AIDA: variants seen among roughly 807,000 people sequenced by gnomAD.
The protein encoded by AIDA is axin interactor, dorsalization-associated protein.
A neutral mutation model predicts 42.7 loss-of-function variants in AIDA; 18 were observed. The observed-to-expected ratio is 0.42, with a 90% CI of 0.29 to 0.63. The LOEUF is 0.63. AIDA is among the 20% of genes least tolerant of loss of function. The pLI is 0.19. For missense variants in AIDA, 250 were observed against 354.1 expected (o/e 0.71, Z 2.36); for synonymous variants, 104 against 122.9 (o/e 0.85, Z 1.02).
chr1:222,677,542 G>A (rs947514536), intron 6 of AIDA, among the ~76,000 whole-genome samples: 2 of 151,956 alleles, frequency 1.3e-5, no homozygotes, highest in African/African-American at 2.4e-5. Context: ...TGACTGAGGC[G>A]CTAAATGTCA....
chr1:222,701,762 C>T (rs970059402), intron 2 of AIDA, among the ~76,000 whole-genome samples: 2 of 152,082 alleles, frequency 1.3e-5, no homozygotes, highest in African/African-American at 2.4e-5. Context: ...CTCTGGCTGT[C>T]GCGCAGGCTG....
intron 4 of AIDA, among the ~76,000 whole-genome samples, chr1:222,688,533 C>T (rs921480263): frequency 1.3e-5 from 2 of 152,028 alleles, no homozygotes; most frequent in Admixed American, 1.3e-4. Flanking sequence ...TTACATAGAA[C>T]TTACTGTACT....
intron 1 of AIDA, chr1:222,711,346 G>T (rs1413805115): frequency 6.6e-6 from 1 of 152,130 alleles, no homozygotes; most frequent in Admixed American, 6.6e-5. Flanking sequence ...GCAAGAAATT[G>T]GTCTTAGGTT....
chr1:222,670,025 C>T, intron 9 of AIDA, 36 bp from the exon 10 acceptor site: 4 of 1,612,974 alleles, frequency 2.5e-6, no homozygotes, highest in South Asian at 1.1e-5. Context: ...GTTTAAAATA[C>T]ATTGATAACT....
chr1:222,707,897 A>G (rs1341750286), intron 1 of AIDA, among the ~76,000 whole-genome samples: 3 of 152,254 alleles, frequency 2.0e-5, no homozygotes, highest in African/African-American at 4.8e-5. Context: ...AAATTGCTAT[A>G]AAGTTTCCAC....
chr1:222,674,931 G>A (rs1664518242), intron 7 of AIDA, among the ~76,000 whole-genome samples: 1 of 152,128 alleles, frequency 6.6e-6, no homozygotes, highest in Non-Finnish European at 1.5e-5. Flanking sequence ...TTGTTTTGGT[G>A]TACATTCCTG....
intron 6 of AIDA, among the ~76,000 whole-genome samples, chr1:222,680,729 T>A (rs1664638553): frequency 6.6e-6 from 1 of 152,132 alleles, no homozygotes; most frequent in Admixed American, 6.5e-5. Flanking sequence ...AGACACCGAT[T>A]ATTTTGATAT....
chr1:222,672,069 T>C (rs3008634), intron 8 of AIDA, among the ~76,000 whole-genome samples: 115,207 of 152,122 alleles, frequency 0.76, 46,929 homozygotes, highest in Non-Finnish European at 0.88. Context: ...CTGGGAAGAT[T>C]AAGTTAAAAT....
Position 222,669,916 on chromosome 1 carries a change from G to A in AIDA, c.898C>T (p.His300Tyr), listed in dbSNP as rs1324714308. 6 of 1,611,742 alleles carry A rather than the reference G, an allele frequency of 3.7e-6. No homozygotes were observed. The highest frequency in any genetic ancestry group is 5.1e-6 in the Non-Finnish European group (6 of 1,179,460). ...GATCATTCCTTGTGCAAAGTTTGAT[G>A]TAGATGAAGATAAAGTGGTTTCTTG... ...LTKKPLYLHL[H>Y]QTLHKE is the part of the protein sequence containing the mutation. Residue 300 changes from histidine to tyrosine, a missense_variant, in exon 10 of 10, where the codon CAT (histidine) becomes TAT (tyrosine). Physicochemically the swap from His to Tyr is moderately conservative, Grantham distance 83. Around this residue, in one of 4 missense-constraint regions of AIDA, gnomAD observed 35 missense variants for 75.9 expected, o/e 0.46. Coordinates refer to ENST00000340020, the MANE Select transcript of AIDA (RefSeq NM_022831.4).
chr1:222,672,702 A>T (rs75451755), intron 8 of AIDA, among the ~76,000 whole-genome samples: 1 of 152,224 alleles, frequency 6.6e-6, no homozygotes, highest in Admixed American at 6.5e-5. Context: ...CAATCACTTC[A>T]AAAGGGACTT....
At chr1:222,677,379 T>TC (rs1252931590) in intron 6 of AIDA, among the ~76,000 whole-genome samples, 3 of 152,064 alleles carry the variant, frequency 2.0e-5, no homozygotes, top group East Asian at 1.9e-4. Flanking sequence ...GGGACAGGTT[T>TC]CCCCCCCTCT....
chr1:222,701,975 C>A (rs902840641), intron 2 of AIDA, among the ~76,000 whole-genome samples: 1 of 151,684 alleles, frequency 6.6e-6, no homozygotes, highest in East Asian at 1.9e-4. Flanking sequence ...CTGCCCACCT[C>A]GGCCTCCCGA....
chr1:222,696,648 A>G (rs1325791386), intron 2 of AIDA, among the ~76,000 whole-genome samples: 1 of 152,252 alleles, frequency 6.6e-6, no homozygotes, highest in African/African-American at 2.4e-5. Flanking sequence ...CTTCTATGCA[A>G]TATAGCAATA....
At chr1:222,685,726 G>T (rs1208595736) in intron 6 of AIDA, among the ~76,000 whole-genome samples, 1 of 152,190 alleles carries the variant, frequency 6.6e-6, no homozygotes, top group East Asian at 1.9e-4. Flanking sequence ...AGGGAGGGAA[G>T]ATACTCATGG....
intron 2 of AIDA, among the ~76,000 whole-genome samples, chr1:222,699,067 T>C (rs1655605479): frequency 6.6e-6 from 1 of 152,104 alleles, no homozygotes; most frequent in Non-Finnish European, 1.5e-5. Context: ...CCTCATGATC[T>C]GCCTCACTCG....
chr1:222,673,534 T>C (rs557195122), intron 7 of AIDA, 99 bp from the exon 8 acceptor site: 256 of 989,920 alleles, frequency 2.6e-4, no homozygotes, highest in Admixed American at 1.7e-3. Context: ...CCTAGCACTT[T>C]GGGAGGCCGA....
intron 8 of AIDA, among the ~76,000 whole-genome samples, chr1:222,672,164 AAATT>A (rs1033846380): frequency 1.2e-4 from 18 of 152,100 alleles, no homozygotes; most frequent in African/African-American, 3.4e-4. Context: ...AAGCTGGAAA[AAATT>A]AATAGAGTCA....
intron 4 of AIDA, among the ~76,000 whole-genome samples, chr1:222,692,179 T>C (rs1655390512): frequency 6.6e-6 from 1 of 152,208 alleles, no homozygotes; most frequent in South Asian, 2.1e-4. Flanking sequence ...TAATTATACT[T>C]TAGGAGGATG....
intron 6 of AIDA, among the ~76,000 whole-genome samples, chr1:222,682,146 C>CT (rs1351905990): frequency 6.6e-6 from 1 of 152,092 alleles, no homozygotes. Context: ...CTGCCATTTC[C>CT]TTTTTTGTCT....
Sources: gnomAD v4.1 joint callset for allele counts (sites outside exome capture counted in the v4.1 genomes callset) on GRCh38, gnomAD v4.1.1 for gene constraint, gnomAD v4.1.1 regional missense constraint, MANE v1.5 for transcripts, NCBI Gene and HGNC (gene_info 2026-07-23, HGNC 2026-07-21) for gene names.